The following PDK4 variants were observed in gnomAD, a reference collection of about 807,000 sequenced individuals.
PDK4 encodes the protein pyruvate dehydrogenase kinase 4, also known as pyruvate dehydrogenase kinase, isozyme 4.
In PDK4, 43 loss-of-function variants were observed where a neutral mutation model predicts 51.7. The ratio of observed to expected loss-of-function variants is 0.83; its 90% CI spans 0.65 to 1.07. PDK4 has a LOEUF of 1.07. Ranked by LOEUF, PDK4 falls within the 50% of genes least tolerant of loss-of-function variation. The pLI is 0.00. For synonymous variants in PDK4, 170 were observed against 176.6 expected (o/e 0.96, Z 0.30); for missense variants, 498 against 503.5 (o/e 0.99, Z 0.10).
intron 5 of PDK4, among the ~76,000 whole-genome samples, 164 bp from the exon 6 acceptor site, chr7:95,592,229 CAG>C (rs1239745131): frequency 2.0e-5 from 3 of 152,018 alleles, no homozygotes; most frequent in African/African-American, 2.4e-5. Context: ...AAAATTAAGA[CAG>C]TGTTTGCATT....
chr7:95,592,644 A>C, intron 4 of PDK4, 47 bp from the exon 5 acceptor site: 1 of 1,430,954 alleles, frequency 7.0e-7, no homozygotes, highest in East Asian at 2.3e-5. Context: ...AATTCAGGAT[A>C]ATGATTAGTA....
intron 2 of PDK4, among the ~76,000 whole-genome samples, chr7:95,594,073 C>A (rs1324633570): frequency 6.6e-6 from 1 of 152,096 alleles, no homozygotes; most frequent in Non-Finnish European, 1.5e-5. Flanking sequence ...TACTTAGAAA[C>A]AACTTTTTTT....
chr7:95,587,416 A>G lies in PDK4; in HGVS notation c.981+2T>C, dbSNP rs111880027. On this transcript the variant is annotated splice_donor_variant, in intron 9 of 10. Transcript: ENST00000005178. LOFTEE classifies it high-confidence loss of function. ...TTAATTTAGCCATATAATTGTTCTT[A>G]CCAAAGGAGCATTCCGGGAATTATC... is the stretch of plus-strand genomic sequence containing the variant. The G allele has an allele frequency of 1.9e-6, 3 of 1,546,886 alleles. No homozygotes were observed. The highest frequency in any genetic ancestry group is 2.7e-6 in the Non-Finnish European group (3 of 1,118,660).
intron 6 of PDK4, 76 bp from the exon 7 acceptor site, chr7:95,589,792 C>A: frequency 1.2e-6 from 1 of 838,850 alleles, no homozygotes; most frequent in South Asian, 1.5e-5. Flanking sequence ...ATGTGATTAA[C>A]ATTTTAGACT....
At chr7:95,586,528 G>A (rs1458180051) in intron 10 of PDK4, among the ~76,000 whole-genome samples, 1 of 152,122 alleles carries the variant, frequency 6.6e-6, no homozygotes, top group East Asian at 1.9e-4. Flanking sequence ...AACAGTGAAT[G>A]TCTGGCACCC....
At position 95,592,810 on chromosome 7, in the gene PDK4, T is replaced by C. The variant is rs1791568150; in HGVS notation, c.479A>G (p.Asp160Gly). ...AGAAATACGGTTCATGTAAAATCGA[T>C]CCAAGAAATATTGAAGATTTTGATT... is the stretch of plus-strand genomic sequence containing the variant. ...VTNQNLQYFLDRFYMNRISTR... is the reference protein window; with the variant it reads ...VTNQNLQYFLGRFYMNRISTR... Residue 160 changes from aspartate to glycine, a missense_variant, in exon 4 of 11, where the codon GAT (aspartate) becomes GGT (glycine). Transcript: ENST00000005178. 1 of 1,613,328 alleles carries C rather than the reference T, an allele frequency of 6.2e-7. No individual in the cohort carries two copies. The highest frequency in any genetic ancestry group is 8.5e-7 in the Non-Finnish European group (1 of 1,179,520).
Position 95,584,425 on chromosome 7 carries a change from C to A in PDK4, c.*1216G>T, listed in dbSNP as rs1230085010. 6.6e-6 allele frequency: 1 copy of A among 152,212 alleles called. No homozygotes were observed. The highest frequency in any genetic ancestry group is 6.5e-5 in the Admixed American group (1 of 15,290). 9.4% of individuals were successfully genotyped at this position (152,212 alleles called of 1,614,324 possible). A position where few individuals can be genotyped will look rare whatever the true frequency, so the allele number is the denominator to read the frequency against. On this transcript the variant is annotated 3_prime_UTR_variant, in exon 11 of 11. Coordinates refer to ENST00000005178, the MANE Select transcript of PDK4 (RefSeq NM_002612.4). The stretch of plus-strand genomic sequence containing the variant: ...TGCCAACCTTCAAATTATACCTTAA[C>A]TCTCCCAAAAATACCATATGCATTT...
intron 4 of PDK4, 65 bp from the exon 5 acceptor site, chr7:95,592,662 T>C (rs1791565769): frequency 9.3e-6 from 13 of 1,391,718 alleles, no homozygotes; most frequent in Non-Finnish European, 1.2e-5. Context: ...GTACTATCAC[T>C]GAGAATGTGA....
Position 95,584,440 on chromosome 7 carries a change from C to T in PDK4, c.*1201G>A, listed in dbSNP as rs1344676005. On this transcript the variant is annotated 3_prime_UTR_variant, in exon 11 of 11. Coordinates refer to ENST00000005178, the MANE Select transcript of PDK4 (RefSeq NM_002612.4). ...TATACCTTAACTCTCCCAAAAATACCATATGCATTTCAGGTGTCATTCATT... is the reference window on the plus strand; with the variant it reads ...TATACCTTAACTCTCCCAAAAATACTATATGCATTTCAGGTGTCATTCATT... 1 of 152,110 alleles carries T rather than the reference C, an allele frequency of 6.6e-6. No individual in the cohort carries two copies. Among genetic ancestry groups the T allele is most frequent in the East Asian group, 1.9e-4 (1 of 5,190 alleles). The allele number at this position is 152,110 out of a possible 1,614,324, so 9.4% of individuals were successfully genotyped here.
At position 95,584,060 on chromosome 7, in the gene PDK4, A is replaced by G. The variant is rs1791447777; in HGVS notation, c.*1581T>C. 1 of 152,212 alleles carries G rather than the reference A, an allele frequency of 6.6e-6. No individual in the cohort carries two copies. Among genetic ancestry groups the G allele is most frequent in the Non-Finnish European group, 1.5e-5 (1 of 68,030 alleles). The allele number at this position is 152,212 out of a possible 1,614,324, so 9.4% of individuals were successfully genotyped here. A position where few individuals can be genotyped will look rare whatever the true frequency, so the allele number is the denominator to read the frequency against. ...ATTACACACAAATGTCAAATTCAAC[A>G]TATAAACCATACTGATTATTTTACA... On this transcript the variant is annotated 3_prime_UTR_variant, in exon 11 of 11. Coordinates refer to ENST00000005178, the MANE Select transcript of PDK4 (RefSeq NM_002612.4).
chr7:95,594,521 G>A (rs1791592196), intron 2 of PDK4, among the ~76,000 whole-genome samples: 2 of 151,990 alleles, frequency 1.3e-5, no homozygotes, highest in African/African-American at 2.4e-5. Context: ...TAACAGATGG[G>A]AATAATAACT....
At chr7:95,585,924 C>T (rs1791475686) in intron 10 of PDK4, 143 bp from the exon 11 acceptor site, 4 of 664,040 alleles carry the variant, frequency 6.0e-6, no homozygotes, top group South Asian at 4.7e-5. Context: ...GTAATAAGAG[C>T]ACACTGGTGC....
rs142619878 is a variant in PDK4, at chr7:95,590,816, T to C, written c.695-1100A>G. On this transcript the variant is annotated intron_variant, in intron 6 of 10. Transcript: ENST00000005178. ...CCAATTTAAGTATACTGTTTTGTTT[T>C]AAGATGCAACTATTTACCAGAACAG... 7.5e-4 allele frequency among the ~76,000 whole-genome samples: 114 copies of C among 152,334 alleles called. 3 individuals are homozygous for C. The highest frequency in any genetic ancestry group is 2.6e-3 in the African/African-American group (109 of 41,582).
Position 95,592,017 on chromosome 7 carries a change from G to C in PDK4, c.665C>G (p.Ser222Cys). ...CACTTGTGTAAGCTTTAATTCTGGAGATGATAAATAATACTGATCACAGAG... is the reference window on the plus strand; with the variant it reads ...CACTTGTGTAAGCTTTAATTCTGGACATGATAAATAATACTGATCACAGAG... ...RMLCDQYYLS[S>C]PELKLTQVNG... is the part of the protein sequence containing the mutation. Residue 222 changes from serine (S) to cysteine (C), a missense_variant, in exon 6 of 11, where the codon TCT becomes TGT. Ser to Cys is a moderately radical substitution (Grantham distance 112). Coordinates refer to ENST00000005178, the MANE Select transcript of PDK4 (RefSeq NM_002612.4). 6.4e-7 allele frequency: 1 copy of C among 1,570,890 alleles called. No individual in the cohort carries two copies. The highest frequency in any genetic ancestry group is 2.3e-5 in the East Asian group (1 of 42,982).
chr7:95,593,426 T>C (rs1349974520), intron 3 of PDK4, among the ~76,000 whole-genome samples: 6 of 152,164 alleles, frequency 3.9e-5, no homozygotes, highest in African/African-American at 1.4e-4. Context: ...TAAATCCTCC[T>C]ACACATCTCA....
chr7:95,585,530 T>G lies in PDK4; in HGVS notation c.*111A>C. 3 of 950,318 alleles carry G rather than the reference T, an allele frequency of 3.2e-6. No individual in the cohort carries two copies. Among genetic ancestry groups the G allele is most frequent in the Non-Finnish European group, 4.6e-6 (3 of 646,246 alleles). The allele number at this position is 950,318 out of a possible 1,614,324, so 58.9% of individuals were successfully genotyped here. A position where few individuals can be genotyped will look rare whatever the true frequency, so the allele number is the denominator to read the frequency against. On this transcript the variant is annotated 3_prime_UTR_variant, in exon 11 of 11. Transcript: ENST00000005178. ...GGATCAGTGTTCTGATTAAGGAGTT[T>G]TCGTTGCTGTCGTTTGTTTTGGAGG... is the stretch of plus-strand genomic sequence containing the variant.
rs1244451633 is a variant in PDK4, at chr7:95,592,078, T to C, written c.617-13A>G. 4.0e-6 allele frequency: 6 copies of C among 1,513,680 alleles called. No homozygotes were observed. Among genetic ancestry groups the C allele is most frequent in the African/African-American group, 1.4e-5 (1 of 70,926 alleles). The allele number at this position is 1,513,680 out of a possible 1,614,324, so 93.8% of individuals were successfully genotyped here. Reference sequence around the variant, plus strand: ...CACTCAAAGGCATCTGGAATAGAAGTTGTTTTTTATAACAATGAAATGAGT... The same window carrying C: ...CACTCAAAGGCATCTGGAATAGAAGCTGTTTTTTATAACAATGAAATGAGT... On this transcript the variant is annotated splice_polypyrimidine_tract_variant and intron_variant, in intron 5 of 10. Coordinates refer to ENST00000005178, the MANE Select transcript of PDK4 (RefSeq NM_002612.4).
At position 95,585,704 on chromosome 7, in the gene PDK4, C is replaced by T; in HGVS notation, c.1173G>A (p.Glu391=). Residue 391 remains glutamate, a synonymous_variant, in exon 11 of 11, where the codon GAG becomes GAA. Coordinates refer to ENST00000005178, the MANE Select transcript of PDK4 (RefSeq NM_002612.4). ...SAFKHYQMSS[E]ADDWCIPSRE... is the part of the protein sequence containing the mutation. ...TGCTTGGGATACACCAGTCATCAGC[C>T]TCAGAGCTCATCTGATAATGTTTGA... 6.2e-7 allele frequency: 1 copy of T among 1,611,920 alleles called. No individual in the cohort carries two copies. Among genetic ancestry groups the T allele is most frequent in the Non-Finnish European group, 8.5e-7 (1 of 1,178,332 alleles).
rs768163371 is a variant in PDK4 at position 95,592,965 on chromosome 7, T to C, written c.345-21A>G. On this transcript the variant is annotated intron_variant, in intron 3 of 10. Transcript: ENST00000005178. ...CAAAGCTAAGCCACAATATTTATGG[T>C]TAGTAAAAGTTCAAATACGTTTCAT... 5 of 1,513,102 alleles carry C rather than the reference T, an allele frequency of 3.3e-6. No individual in the cohort carries two copies. The South Asian group carries it at 6.3e-5, about 19-fold the overall frequency. 93.7% of individuals were successfully genotyped at this position (1,513,102 alleles called of 1,614,324 possible). A position where few individuals can be genotyped will look rare whatever the true frequency, so the allele number is the denominator to read the frequency against.
Sources: allele counts gnomAD v4.1 joint callset (sites outside exome capture counted in the v4.1 genomes callset), GRCh38; gene constraint gnomAD v4.1.1; transcripts MANE v1.5; gene names NCBI Gene and HGNC (gene_info 2026-07-23, HGNC 2026-07-21).